Variants in FHIT observed in about 807,000 individuals in gnomAD.
FHIT encodes the protein bis(5'-adenosyl)-triphosphatase.
In FHIT, 19 loss-of-function variants were observed where a neutral mutation model predicts 17.9. That is an observed-to-expected ratio of 1.06 (90% confidence interval 0.74 to 1.56). The LOEUF (loss-of-function observed/expected upper bound fraction) is 1.56. Ranked by LOEUF, FHIT falls within the 40% of genes most tolerant of loss-of-function variation. FHIT has a pLI of 0.00. For synonymous variants in FHIT, 81 were observed against 69.7 expected, an observed-to-expected ratio of 1.16 and a Z score of -0.81; for missense variants, 248 against 189.2, an observed-to-expected ratio of 1.31 and a Z score of -1.82.
intron 5 of FHIT, among the ~76,000 whole-genome samples, chr3:60,473,866 T>C (rs2033212419): frequency 1.3e-5 from 2 of 151,598 alleles, no homozygotes. Flanking sequence ...GAGGTTGCAG[T>C]GAGCTGAGAT....
chr3:60,752,890 T>G (rs868956726), intron 4 of FHIT, among the ~76,000 whole-genome samples: 6 of 152,176 alleles, frequency 3.9e-5, no homozygotes, highest in Admixed American at 2.0e-4. Flanking sequence ...TTATGTCACT[T>G]TAGAAATTTC....
intron 5 of FHIT, among the ~76,000 whole-genome samples, chr3:60,165,677 C>T (rs1701141344): frequency 6.6e-6 from 1 of 152,152 alleles, no homozygotes; most frequent in African/African-American, 2.4e-5. Flanking sequence ...GGAAAAAGTA[C>T]ACCCTCTGCC....
chr3:60,925,545 G>C (rs953538263), intron 3 of FHIT, among the ~76,000 whole-genome samples: 1 of 152,252 alleles, frequency 6.6e-6, no homozygotes, highest in African/African-American at 2.4e-5. Context: ...TGCCTTACAA[G>C]AGCTCCTGAA....
intron 2 of FHIT, among the ~76,000 whole-genome samples, chr3:61,080,633 A>C (rs756572932): frequency 2.6e-5 from 4 of 152,172 alleles, no homozygotes; most frequent in Non-Finnish European, 5.9e-5. Context: ...TCCAAGACTA[A>C]CTGCAAATAG....
At position 60,314,210 on chromosome 3, in the gene FHIT, C is replaced by T. The variant is rs139690350; in HGVS notation, c.103+222650G>A. Among the ~76,000 whole-genome samples, 865 of 152,110 alleles carry T rather than the reference C, an allele frequency of 5.7e-3. 12 individuals carry two copies. Among genetic ancestry groups the T allele is most frequent in the South Asian group, 0.056 (270 of 4,806 alleles). ...GATCTTTACAAAGAGGCCTGTTGGG[C>T]AACATATTTCTGGTAGATGATTAAT... On this transcript the variant is annotated intron_variant, in intron 5 of 9. Coordinates refer to ENST00000492590, the MANE Select transcript of FHIT (RefSeq NM_002012.4).
At chr3:60,095,604 G>C (rs746037529) in intron 5 of FHIT, among the ~76,000 whole-genome samples, 2 of 152,192 alleles carry the variant, frequency 1.3e-5, no homozygotes, top group Non-Finnish European at 2.9e-5. Context: ...AGACGACCAA[G>C]CATGTAGAGG....
chr3:60,994,430 A>G (rs1446822618), intron 3 of FHIT, among the ~76,000 whole-genome samples: 1 of 152,342 alleles, frequency 6.6e-6, no homozygotes, highest in South Asian at 2.1e-4. Flanking sequence ...GAAAGAAGGA[A>G]GAAAAACATG....
chr3:60,263,431 G>T (rs1363995681), intron 5 of FHIT, among the ~76,000 whole-genome samples: 2 of 151,900 alleles, frequency 1.3e-5, no homozygotes, highest in Non-Finnish European at 2.9e-5. Flanking sequence ...CCATAAAGTA[G>T]ACACAACCTA....
chr3:59,878,381 G>GTACTTACTC lies in FHIT; in HGVS notation c.348+43956_348+43964dup, dbSNP rs1389712599. Among the ~76,000 whole-genome samples the GTACTTACTC allele has an allele frequency of 2.2e-4, 33 of 152,258 alleles. No individual in the cohort carries two copies. The South Asian group carries it at 4.8e-3, about 22-fold the overall frequency. ...TCCCGCCTCAAGTGTCTGTGTGGAT[G>GTACTTACTC]TACTTACTCCAGTCTTACCTGAGTT... On this transcript the variant is annotated intron_variant, in intron 8 of 9. Coordinates refer to ENST00000492590, the MANE Select transcript of FHIT (RefSeq NM_002012.4).
intron 2 of FHIT, among the ~76,000 whole-genome samples, chr3:61,133,060 G>A (rs1393241184): frequency 6.6e-6 from 1 of 152,156 alleles, no homozygotes; most frequent in Non-Finnish European, 1.5e-5. Flanking sequence ...AAGAGTTCCT[G>A]TCTCCTAATT....
At chr3:60,364,975 C>A (rs1700048011) in intron 5 of FHIT, among the ~76,000 whole-genome samples, 1 of 151,928 alleles carries the variant, frequency 6.6e-6, no homozygotes, top group African/African-American at 2.4e-5. Context: ...GAGAATAGAT[C>A]ATGAGACTTC....
chr3:61,142,210 T>A (rs2037104952), intron 2 of FHIT, among the ~76,000 whole-genome samples: 1 of 151,502 alleles, frequency 6.6e-6, no homozygotes, highest in Non-Finnish European at 1.5e-5. Flanking sequence ...TTGGTTTCAC[T>A]CTTAAGTATA....
chr3:60,287,620 T>C (rs1707788777), intron 5 of FHIT, among the ~76,000 whole-genome samples: 1 of 152,234 alleles, frequency 6.6e-6, no homozygotes, highest in Admixed American at 6.5e-5. Flanking sequence ...TGCTTTATTT[T>C]ATTTAAGAAT....
intron 4 of FHIT, among the ~76,000 whole-genome samples, chr3:60,563,649 G>GTT (rs895511152): frequency 3.9e-5 from 6 of 152,300 alleles, no homozygotes; most frequent in Admixed American, 3.9e-4. Context: ...GATAGGGAGA[G>GTT]TTTGAGTGGT....
chr3:59,766,387 C>G lies in FHIT; in HGVS notation c.349-14066G>C, dbSNP rs554576707. Reference sequence around the variant, plus strand: ...TAGTAGCATTTGCCATATAAAAGTACTGGAGTTATTAACTGGATTCCAGAT... The same window carrying G: ...TAGTAGCATTTGCCATATAAAAGTAGTGGAGTTATTAACTGGATTCCAGAT... On this transcript the variant is annotated intron_variant, in intron 8 of 9. Transcript: ENST00000492590. 2.7e-4 allele frequency among the ~76,000 whole-genome samples: 41 copies of G among 152,298 alleles called. No individual in the cohort carries two copies. The South Asian group carries it at 7.5e-3, about 28-fold the overall frequency.
At chr3:60,227,152 G>A (rs966377819) in intron 5 of FHIT, among the ~76,000 whole-genome samples, 1 of 151,990 alleles carries the variant, frequency 6.6e-6, no homozygotes, top group Non-Finnish European at 1.5e-5. Flanking sequence ...ATGGGCTGGG[G>A]CAATGAGCTG....
At chr3:60,666,674 T>G (rs2040387814) in intron 4 of FHIT, among the ~76,000 whole-genome samples, 1 of 152,092 alleles carries the variant, frequency 6.6e-6, no homozygotes, top group Admixed American at 6.6e-5. Flanking sequence ...TACTCGTGTT[T>G]ATTTGTTTGT....
intron 5 of FHIT, among the ~76,000 whole-genome samples, chr3:60,088,058 T>C (rs771567085): frequency 6.6e-6 from 1 of 152,118 alleles, no homozygotes; most frequent in Non-Finnish European, 1.5e-5. Flanking sequence ...ACACTCATGG[T>C]GGAAGATGAA....
At chr3:61,019,677 C>T (rs1312857904) in intron 3 of FHIT, among the ~76,000 whole-genome samples, 1 of 152,120 alleles carries the variant, frequency 6.6e-6, no homozygotes, top group African/African-American at 2.4e-5. Flanking sequence ...AATGCAAACA[C>T]AGATTCTTTT....
Sources: gnomAD v4.1 joint callset for allele counts (sites outside exome capture counted in the v4.1 genomes callset) on GRCh38, gnomAD v4.1.1 for gene constraint, MANE v1.5 for transcripts, NCBI Gene and HGNC (gene_info 2026-07-23, HGNC 2026-07-21) for gene names.